Variants in PTPRT observed in about 807,000 individuals in gnomAD.
The protein encoded by PTPRT is receptor-type tyrosine-protein phosphatase T.
PTPRT carries 56 observed loss-of-function variants against 176.8 expected under a neutral mutation model. That is an observed-to-expected ratio of 0.32 (90% CI 0.26 to 0.40). The LOEUF is 0.40. Ranked by LOEUF, PTPRT falls within the 10% of genes least tolerant of loss-of-function variation. The pLI, the probability that PTPRT is intolerant of heterozygous loss-of-function variation, is 1.00. For synonymous variants in PTPRT, 783 were observed against 739.0 expected, an observed-to-expected ratio of 1.06 and a Z score of -0.96; for missense variants, 1,540 against 1,908.2, an observed-to-expected ratio of 0.81 and a Z score of 3.60.
intron 9 of PTPRT, among the ~76,000 whole-genome samples, chr20:42,369,825 C>G (rs1449384170): frequency 6.6e-6 from 1 of 152,186 alleles, no homozygotes; most frequent in Admixed American, 6.5e-5. Context: ...ATTTTTCATC[C>G]CCTGCTCAAG....
intron 13 of PTPRT, among the ~76,000 whole-genome samples, chr20:42,260,141 G>A (rs908438497): frequency 6.6e-6 from 1 of 152,210 alleles, no homozygotes; most frequent in Admixed American, 6.5e-5. Flanking sequence ...ACAGGAAAGG[G>A]CATGCCCAGC....
intron 9 of PTPRT, among the ~76,000 whole-genome samples, chr20:42,420,122 G>A (rs1282732919): frequency 6.6e-6 from 1 of 152,154 alleles, no homozygotes; most frequent in Non-Finnish European, 1.5e-5. Flanking sequence ...GGTTTGTGAT[G>A]CTTTCCTATG....
intron 7 of PTPRT, among the ~76,000 whole-genome samples, chr20:42,615,093 C>A (rs867116008): frequency 4.0e-5 from 4 of 100,626 alleles, no homozygotes; most frequent in South Asian, 4.7e-4. Context: ...CCCCTCCCCC[C>A]ACCCCACCAC....
At chr20:42,863,853 T>A (rs1243885164) in intron 2 of PTPRT, among the ~76,000 whole-genome samples, 1 of 152,194 alleles carries the variant, frequency 6.6e-6, no homozygotes, top group South Asian at 2.1e-4. Context: ...TGATGTGACA[T>A]CTCTTTCAAG....
At chr20:42,891,003 C>G (rs968629449) in intron 1 of PTPRT, among the ~76,000 whole-genome samples, 1 of 152,184 alleles carries the variant, frequency 6.6e-6, no homozygotes, top group Non-Finnish European at 1.5e-5. Flanking sequence ...GTAAGATGTG[C>G]CTTTCACCTT....
At chr20:42,467,759 A>G (rs1156511186) in intron 8 of PTPRT, among the ~76,000 whole-genome samples, 1 of 152,226 alleles carries the variant, frequency 6.6e-6, no homozygotes, top group Non-Finnish European at 1.5e-5. Flanking sequence ...TAAATGCAGC[A>G]AAGTGTTTAC....
At chr20:42,473,719 C>T (rs2071239103) in intron 7 of PTPRT, among the ~76,000 whole-genome samples, 1 of 152,310 alleles carries the variant, frequency 6.6e-6, no homozygotes, top group South Asian at 2.1e-4. Flanking sequence ...AAGTGATCCT[C>T]CTGCCTTGGC....
intron 22 of PTPRT, among the ~76,000 whole-genome samples, chr20:42,113,261 T>G (rs1347299553): frequency 1.3e-5 from 2 of 152,222 alleles, no homozygotes; most frequent in Admixed American, 6.5e-5. Context: ...GAAAGGACCT[T>G]AATGCCTCAA....
At chr20:42,767,345 C>A (rs895794512) in intron 5 of PTPRT, among the ~76,000 whole-genome samples, 14 of 152,062 alleles carry the variant, frequency 9.2e-5, no homozygotes, top group African/African-American at 3.4e-4. Context: ...AAGAATAGAA[C>A]AGAAAAGCAG....
At chr20:42,351,437 T>C (rs915322765) in intron 10 of PTPRT, among the ~76,000 whole-genome samples, 8 of 152,174 alleles carry the variant, frequency 5.3e-5, no homozygotes, top group African/African-American at 1.4e-4. Context: ...GAAAGCAATG[T>C]AGCAACATAG....
intron 13 of PTPRT, among the ~76,000 whole-genome samples, chr20:42,261,185 C>A (rs572922082): frequency 1.6e-4 from 24 of 152,296 alleles, no homozygotes; most frequent in African/African-American, 5.3e-4. Context: ...CAGAACTCTT[C>A]TTTGCTTCTT....
chr20:42,499,126 A>G (rs2071703835), intron 7 of PTPRT, among the ~76,000 whole-genome samples: 2 of 152,054 alleles, frequency 1.3e-5, no homozygotes, highest in South Asian at 4.2e-4. Flanking sequence ...TTGAACTCAC[A>G]GCAATAGCAA....
At chr20:42,092,664 T>C (rs984197765) in intron 27 of PTPRT, among the ~76,000 whole-genome samples, 1 of 152,158 alleles carries the variant, frequency 6.6e-6, no homozygotes, top group African/African-American at 2.4e-5. Flanking sequence ...GGTTGGGTAT[T>C]TTGCATATTT....
At chr20:42,606,490 G>A (rs867068952) in intron 7 of PTPRT, among the ~76,000 whole-genome samples, 22 of 152,278 alleles carry the variant, frequency 1.4e-4, no homozygotes, top group Middle Eastern at 3.4e-3. Context: ...AATGACAGCC[G>A]CCATTCATAT....
chr20:42,927,461 C>T (rs1181105733), intron 1 of PTPRT, among the ~76,000 whole-genome samples: 4 of 152,144 alleles, frequency 2.6e-5, no homozygotes, highest in African/African-American at 9.7e-5. Context: ...ACTTGGGAGA[C>T]TGAGACAAGA....
At chr20:42,468,132 T>C (rs1402063874) in intron 8 of PTPRT, among the ~76,000 whole-genome samples, 1 of 152,246 alleles carries the variant, frequency 6.6e-6, no homozygotes, top group African/African-American at 2.4e-5. Context: ...GCTGGATTTC[T>C]TCGCAGGCCG....
chr20:42,994,414 G>T (rs1482446774), intron 1 of PTPRT, among the ~76,000 whole-genome samples: 1 of 151,878 alleles, frequency 6.6e-6, no homozygotes, highest in East Asian at 1.9e-4. Flanking sequence ...AATCACCTTT[G>T]TATGTATGTA....
chr20:42,711,309 C>A (rs116348313), intron 6 of PTPRT, among the ~76,000 whole-genome samples: 150 of 152,248 alleles, frequency 9.9e-4, no homozygotes, highest in African/African-American at 3.5e-3. Flanking sequence ...CTCTACAAAT[C>A]TCTTGTTGAA....
intron 7 of PTPRT, among the ~76,000 whole-genome samples, chr20:42,674,368 AAATCCATT>A (rs1303191717): frequency 2.6e-5 from 4 of 152,230 alleles, no homozygotes; most frequent in Non-Finnish European, 5.9e-5. Flanking sequence ...TCAACATGTA[AAATCCATT>A]ACACAGTCAT....
Sources: allele counts gnomAD v4.1 joint callset (sites outside exome capture counted in the v4.1 genomes callset), GRCh38; gene constraint gnomAD v4.1.1; transcripts MANE v1.5; gene names NCBI Gene and HGNC (gene_info 2026-07-23, HGNC 2026-07-21).